Variants in CMYA5 observed in about 807,000 individuals in gnomAD.
CMYA5 encodes the protein cardiomyopathy associated 5.
Under a neutral mutation model 318.9 loss-of-function variants are expected in CMYA5, and 246 were observed. The observed-to-expected ratio is 0.77, with a 90% CI of 0.70 to 0.86. The LOEUF (loss-of-function observed/expected upper bound fraction) is 0.86. Ranked by LOEUF, CMYA5 falls within the 40% of genes least tolerant of loss-of-function variation. The pLI is 0.00. For synonymous variants in CMYA5, 1,641 were observed against 1,729.5 expected (o/e 0.95, Z 1.27); for missense variants, 4,589 against 4,678.2 (o/e 0.98, Z 0.56).
chr5:79,731,791 C>A lies in CMYA5; in HGVS notation c.3026C>A (p.Pro1009His), dbSNP rs1365712758. 3.1e-6 allele frequency: 5 copies of A among 1,613,052 alleles called. No individual in the cohort carries two copies. Among genetic ancestry groups the A allele is most frequent in the Non-Finnish European group, 4.2e-6 (5 of 1,179,572 alleles). ...SPDSASQVSIPPFRISETEKN... is the reference protein window; with the variant it reads ...SPDSASQVSIHPFRISETEKN... ...GACTCAGCATCACAAGTTTCAATCC[C>A]TCCCTTTAGAATCTCAGAAACAGAG... Residue 1009 changes from proline (P) to histidine (H), a missense_variant, in exon 2 of 13, where the codon CCT (proline) becomes CAT (histidine). By Grantham distance (77) the Pro-to-His change is moderately conservative. Transcript: ENST00000446378.
At position 79,799,454 on chromosome 5, in the gene CMYA5, C is replaced by T. The variant is rs774664171; in HGVS notation, c.12048C>T (p.Asn4016=). The T allele has an allele frequency of 1.4e-5, 23 of 1,614,008 alleles. No homozygotes were observed. The highest frequency in any genetic ancestry group is 1.9e-5 in the Non-Finnish European group (22 of 1,179,888). The change falls in exon 13 of 13, where the codon AAC becomes AAT. Residue 4016 remains asparagine (N), a synonymous_variant. Transcript: ENST00000446378. ...GAGTGGGCATCCTGCTGGACTACAA[C>T]AACCAGAGACTTATCTTCATCAACG... ...PARVGILLDY[N]NQRLIFINAE... is the part of the protein sequence containing the mutation.
At chr5:79,700,240 G>A (rs1827148494) in intron 1 of CMYA5, among the ~76,000 whole-genome samples, 1 of 152,146 alleles carries the variant, frequency 6.6e-6, no homozygotes. Flanking sequence ...CAGAAACCCA[G>A]GCTTTAGTGA....
In CMYA5 at chr5:79,726,909, A is replaced by ATTT. The variant is rs34198193; in HGVS notation, c.150-1985_150-1983dup. Among the ~76,000 whole-genome samples, 174 of 96,016 alleles carry ATTT rather than the reference A, an allele frequency of 1.8e-3. 7 individuals carry two copies. Among genetic ancestry groups the ATTT allele is most frequent in the African/African-American group, 3.7e-3 (71 of 19,238 alleles). The allele number at this position is 96,016 out of a possible 152,430, so 63.0% of individuals were successfully genotyped here. On this transcript the variant is annotated intron_variant, in intron 1 of 12. Transcript: ENST00000446378. ...AGAGCTAGGATTGTTTAGGCCAGTG[A>ATTT]TTTTTTTTTTTTTTTTTTTTTTTGA... is the stretch of plus-strand genomic sequence containing the variant.
At chr5:79,713,303 A>G (rs938770584) in intron 1 of CMYA5, among the ~76,000 whole-genome samples, 195 of 17,248 alleles carry the variant, frequency 0.011, 2 homozygotes, top group African/African-American at 0.044. Flanking sequence ...CCCCGCCCCC[A>G]CCCCCCACCC....
intron 5 of CMYA5, among the ~76,000 whole-genome samples, chr5:79,747,970 AT>A (rs1240056216): frequency 2.0e-5 from 3 of 152,232 alleles, no homozygotes; most frequent in African/African-American, 7.2e-5. Context: ...ATAAAAAAGG[AT>A]TTAGATTAGA....
chr5:79,777,843 C>T (rs1253052809), intron 9 of CMYA5, among the ~76,000 whole-genome samples: 3 of 151,728 alleles, frequency 2.0e-5, no homozygotes, highest in Non-Finnish European at 4.4e-5. Flanking sequence ...TAATTTAGGC[C>T]GGGCACAGTG....
chr5:79,731,848 C>T lies in CMYA5; in HGVS notation c.3083C>T (p.Thr1028Ile). The T allele has an allele frequency of 6.2e-7, 1 of 1,613,402 alleles. No individual in the cohort carries two copies. Among genetic ancestry groups the T allele is most frequent in the Non-Finnish European group, 8.5e-7 (1 of 1,179,744 alleles). The stretch of plus-strand genomic sequence containing the variant: ...GAACTTGAGCCTGATTCACTATTAA[C>T]TGCAGTGTCTGCTTCAGGTTATTCC... The part of the protein sequence containing the change: ...KNELEPDSLL[T>I]AVSASGYSCF... Residue 1028 changes from threonine to isoleucine, a missense_variant, in exon 2 of 13, where the codon ACT (threonine) becomes ATT (isoleucine). Thr to Ile is a moderately conservative substitution (Grantham distance 89). Around this residue, in one of 3 missense-constraint regions of CMYA5, gnomAD observed 2,132 missense variants for 2,131.3 expected, o/e 1.00. Coordinates refer to ENST00000446378, the MANE Select transcript of CMYA5 (RefSeq NM_153610.5).
rs181048179 is a variant in CMYA5 at position 79,754,635 on chromosome 5, G to A, written c.11110+1841G>A. On this transcript the variant is annotated intron_variant, in intron 6 of 12. Coordinates refer to ENST00000446378, the MANE Select transcript of CMYA5 (RefSeq NM_153610.5). ...AAACATGAATCTAGGCTTCCTTGAT[G>A]CTGGCACCTGGGGATTTTTTTTTTA... Among the ~76,000 whole-genome samples, 28 of 150,518 alleles carry A rather than the reference G, an allele frequency of 1.9e-4. No homozygotes were observed. The East Asian group carries it at 5.4e-3, about 29-fold the overall frequency.
intron 9 of CMYA5, among the ~76,000 whole-genome samples, chr5:79,768,896 C>G (rs1388136624): frequency 6.6e-6 from 1 of 151,020 alleles, no homozygotes; most frequent in Non-Finnish European, 1.5e-5. Flanking sequence ...TGTTTTCTAA[C>G]TTGGCTCCAT....
chr5:79,731,634 T>C lies in CMYA5; in HGVS notation c.2869T>C (p.Phe957Leu). ...PDSAFVSEFS[F>L]PPYATQEAEK... ...TTCTGCATTTGTGTCAGAATTCTCA[T>C]TTCCACCGTATGCAACCCAGGAAGC... The change falls in exon 2 of 13, where the codon TTT becomes CTT. Residue 957 changes from phenylalanine to leucine, a missense_variant. Phe to Leu is a conservative substitution (Grantham distance 22). Coordinates refer to ENST00000446378, the MANE Select transcript of CMYA5 (RefSeq NM_153610.5). 6.2e-7 allele frequency: 1 copy of C among 1,613,920 alleles called. No individual in the cohort carries two copies.
rs184279775 is a variant in CMYA5, at chr5:79,727,649, A to G, written c.150-1266A>G. Among the ~76,000 whole-genome samples, 160 of 152,350 alleles carry G rather than the reference A, an allele frequency of 1.1e-3. 1 individual carries two copies. The highest frequency in any genetic ancestry group is 3.8e-3 in the African/African-American group (156 of 41,586). On this transcript the variant is annotated intron_variant, in intron 1 of 12. Transcript: ENST00000446378. Reference sequence around the variant, plus strand: ...GCTGCTGCATTGGTCAGGAATGATAACCGCAGAGGAATTTAAACCCAGCCT... The same window carrying G: ...GCTGCTGCATTGGTCAGGAATGATAGCCGCAGAGGAATTTAAACCCAGCCT...
chr5:79,705,768 T>G (rs1827258542), intron 1 of CMYA5, among the ~76,000 whole-genome samples: 3 of 152,196 alleles, frequency 2.0e-5, no homozygotes, highest in Admixed American at 1.3e-4. Context: ...GGAGTTCTCT[T>G]GGAGAACTGA....
Position 79,736,926 on chromosome 5 carries a change from A to T in CMYA5, c.8161A>T (p.Lys2721Ter), listed in dbSNP as rs1384693880. 10 of 1,613,494 alleles carry T rather than the reference A, an allele frequency of 6.2e-6. No individual in the cohort carries two copies. The highest frequency in any genetic ancestry group is 8.5e-6 in the Non-Finnish European group (10 of 1,179,778). Residue 2721 changes from lysine to a stop codon, truncating the protein, a stop_gained, in exon 2 of 13, where the codon AAG becomes TAG. Coordinates refer to ENST00000446378, the MANE Select transcript of CMYA5 (RefSeq NM_153610.5). LOFTEE classifies it high-confidence loss of function. ...AAGTAAAGTTTTGGTGGAGAAAACT[A>T]AGACTTTCCTGCCAGTGGTTCTTTC... ...EESKVLVEKTKTFLPVVLSCH... is the reference protein window; with the variant it reads ...EESKVLVEKT
At chr5:79,726,083 G>C (rs1827742198) in intron 1 of CMYA5, among the ~76,000 whole-genome samples, 1 of 152,174 alleles carries the variant, frequency 6.6e-6, no homozygotes, top group Admixed American at 6.5e-5. Flanking sequence ...ATGAATGAAT[G>C]AAAATGAGTA....
intron 4 of CMYA5, among the ~76,000 whole-genome samples, chr5:79,746,547 TAAAA>T (rs11423461): frequency 2.6e-4 from 18 of 68,914 alleles, no homozygotes; most frequent in African/African-American, 6.8e-4. Flanking sequence ...GAGCAAACTG[TAAAA>T]AAAAAAAAAA....
chr5:79,758,942 C>T, intron 7 of CMYA5, 40 bp downstream of exon 7: 3 of 1,431,432 alleles, frequency 2.1e-6, no homozygotes, highest in Non-Finnish European at 2.8e-6. Flanking sequence ...TATGCATATT[C>T]ATGCATCTTC....
In CMYA5 at chr5:79,738,908, G is replaced by A; in HGVS notation, c.10143G>A (p.Glu3381=). ...TCCCAGTACAAGTGTCCTTCCCGGA[G>A]GAAGAATTTGCATCTGGTGCAACTC... ...LNVPVQVSFP[E]EEFASGATHV... The change falls in exon 2 of 13, where the codon GAG becomes GAA. Residue 3381 remains glutamate, a synonymous_variant. Coordinates refer to ENST00000446378, the MANE Select transcript of CMYA5 (RefSeq NM_153610.5). The A allele has an allele frequency of 6.2e-7, 1 of 1,613,904 alleles. No individual in the cohort carries two copies. Among genetic ancestry groups the A allele is most frequent in the Non-Finnish European group, 8.5e-7 (1 of 1,179,868 alleles).
chr5:79,725,165 C>T (rs1044758343), intron 1 of CMYA5, among the ~76,000 whole-genome samples: 2 of 152,178 alleles, frequency 1.3e-5, no homozygotes, highest in African/African-American at 4.8e-5. Context: ...GGCATGTACA[C>T]TTATGTTCAT....
In CMYA5 at chr5:79,793,430, C is replaced by T; in HGVS notation, c.11790-7C>T. ...ACTGAGCATACTCTGATTGACTTCA[C>T]CCACAGAATCCCGTCAGTGCTGGGT... On this transcript the variant is annotated splice_polypyrimidine_tract_variant and splice_region_variant and intron_variant, in intron 11 of 12. Coordinates refer to ENST00000446378, the MANE Select transcript of CMYA5 (RefSeq NM_153610.5). 1.2e-6 allele frequency: 2 copies of T among 1,607,376 alleles called. No homozygotes were observed. The highest frequency in any genetic ancestry group is 2.7e-5 in the African/African-American group (2 of 74,970).
Sources: gnomAD v4.1 joint callset for allele counts (sites outside exome capture counted in the v4.1 genomes callset) on GRCh38, gnomAD v4.1.1 for gene constraint, gnomAD v4.1.1 regional missense constraint, MANE v1.5 for transcripts, NCBI Gene and HGNC (gene_info 2026-07-23, HGNC 2026-07-21) for gene names.